The following STRN variants were observed in gnomAD, a reference collection of about 807,000 sequenced individuals.
STRN encodes the protein striatin, also known as protein phosphatase 2 regulatory subunit B'''alpha.
In STRN, 53 loss-of-function variants were observed where a neutral mutation model predicts 96.3. That is an observed-to-expected ratio of 0.55 (90% CI 0.44 to 0.69). The LOEUF is 0.69. STRN is among the 30% of genes least tolerant of loss of function. The pLI, the probability that STRN is intolerant of heterozygous loss-of-function variation, is 0.00. For synonymous variants in STRN, 428 were observed against 355.9 expected, an observed-to-expected ratio of 1.20 and a Z score of -2.28; for missense variants, 987 against 963.9, an observed-to-expected ratio of 1.02 and a Z score of -0.32.
chr2:36,874,065 C>G (rs539214602), intron 10 of STRN, among the ~76,000 whole-genome samples: 1 of 150,786 alleles, frequency 6.6e-6, no homozygotes, highest in Non-Finnish European at 1.5e-5. Flanking sequence ...ACCATCCTGG[C>G]TAACACGGTG....
In STRN at chr2:36,855,199, T is replaced by C. The variant is rs373682404; in HGVS notation, c.1978+13A>G. On this transcript the variant is annotated intron_variant, in intron 15 of 17. Transcript: ENST00000263918. Reference sequence around the variant, plus strand: ...AAAAATAAACACAGACAATTTAAAATTGGTATGCATACTTGTATCTACATT... The same window carrying C: ...AAAAATAAACACAGACAATTTAAAACTGGTATGCATACTTGTATCTACATT... The C allele has an allele frequency of 1.6e-5, 26 of 1,607,978 alleles. No individual in the cohort carries two copies. The highest frequency in any genetic ancestry group is 2.0e-5 in the Non-Finnish European group (23 of 1,177,548).
At chr2:36,933,345 T>C (rs1029437552) in intron 1 of STRN, among the ~76,000 whole-genome samples, 18 of 152,328 alleles carry the variant, frequency 1.2e-4, no homozygotes, top group Admixed American at 7.2e-4. Flanking sequence ...GTTTTTTGTA[T>C]TGGATGGGGG....
chr2:36,952,805 G>A (rs187640389), intron 1 of STRN, among the ~76,000 whole-genome samples: 4 of 152,308 alleles, frequency 2.6e-5, no homozygotes, highest in East Asian at 1.9e-4. Flanking sequence ...CAGCAAGTGC[G>A]CTGACCCAGA....
chr2:36,937,697 A>G lies in STRN; in HGVS notation c.235-12489T>C, dbSNP rs10203038. On this transcript the variant is annotated intron_variant, in intron 1 of 17. Transcript: ENST00000263918. The stretch of plus-strand genomic sequence containing the variant: ...TTAAAAAAGAAAGAAAAGAAAAAAA[A>G]AAAGAGAAGAAGGAAATAAGAAAGA... Among the ~76,000 whole-genome samples the G allele has an allele frequency of 9.4e-3, 1,423 of 152,140 alleles. 26 individuals carry two copies. The highest frequency in any genetic ancestry group is 0.033 in the African/African-American group (1,363 of 41,546).
chr2:36,840,101 T>G lies in STRN; in HGVS notation c.*9355A>C, dbSNP rs749724409. 1.4e-4 allele frequency: 21 copies of G among 152,272 alleles called. No homozygotes were observed. The highest frequency in any genetic ancestry group is 2.4e-4 in the Non-Finnish European group (16 of 68,068). 9.4% of individuals were successfully genotyped at this position (152,272 alleles called of 1,614,324 possible). On this transcript the variant is annotated 3_prime_UTR_variant, in exon 18 of 18. Transcript: ENST00000263918. ...CAGAGGGATGCCTTTCCTGACAAGA[T>G]TCCACTGGGAGGTTCGTCTTTCTCC... is the stretch of plus-strand genomic sequence containing the variant.
intron 1 of STRN, among the ~76,000 whole-genome samples, chr2:36,928,538 G>A (rs1670478040): frequency 6.6e-6 from 1 of 151,764 alleles, no homozygotes; most frequent in Admixed American, 6.6e-5. Context: ...TGTATTCCCA[G>A]CTACTTGGAA....
intron 6 of STRN, among the ~76,000 whole-genome samples, chr2:36,896,207 T>G (rs1669536435): frequency 1.3e-5 from 2 of 152,186 alleles, no homozygotes; most frequent in South Asian, 4.1e-4. Context: ...TTTTCAACAT[T>G]AAATATTAGG....
chr2:36,865,538 T>G (rs1002606803), intron 12 of STRN, among the ~76,000 whole-genome samples: 10 of 152,072 alleles, frequency 6.6e-5, no homozygotes, highest in Non-Finnish European at 1.3e-4. Flanking sequence ...TTTTCTCTTG[T>G]GTGTGATGTT....
chr2:36,957,744 C>CTTTTTTTTTTTTTTTTT (rs1159531782), intron 1 of STRN, among the ~76,000 whole-genome samples: 4 of 89,208 alleles, frequency 4.5e-5, no homozygotes, highest in Non-Finnish European at 6.2e-5. Context: ...TTCTTTTTGT[C>CTTTTTTTTTTTTTTTTT]TTTTTTTTTT....
At chr2:36,887,431 T>C (rs190236872) in intron 7 of STRN, among the ~76,000 whole-genome samples, 5,814 of 151,782 alleles carry the variant, frequency 0.038, 214 homozygotes, top group African/African-American at 0.1. Flanking sequence ...GATTGTGCCA[T>C]TGCACTCCCG....
chr2:36,839,298 T>A lies in STRN; in HGVS notation c.*10158A>T, dbSNP rs1667891729. On this transcript the variant is annotated 3_prime_UTR_variant, in exon 18 of 18. Coordinates refer to ENST00000263918, the MANE Select transcript of STRN (RefSeq NM_003162.4). ...CTATATTTTCACTTGTTCCCCCACC[T>A]GGAATGTGCTGCATCAGGTGAAGTT... 6.6e-6 allele frequency among the ~76,000 whole-genome samples: 1 copy of A among 152,156 alleles called. No individual in the cohort carries two copies. Among genetic ancestry groups the A allele is most frequent in the South Asian group, 2.1e-4 (1 of 4,824 alleles).
chr2:36,855,894 T>A (rs374693559), intron 14 of STRN, among the ~76,000 whole-genome samples: 6 of 152,220 alleles, frequency 3.9e-5, no homozygotes, highest in African/African-American at 1.4e-4. Context: ...CTAGAATACA[T>A]GAAAACTTAG....
chr2:36,946,162 C>T (rs571455512), intron 1 of STRN, among the ~76,000 whole-genome samples: 1 of 147,324 alleles, frequency 6.8e-6, no homozygotes, highest in Admixed American at 6.7e-5. Context: ...TAAATATTTC[C>T]AGTTGATTTT....
At chr2:36,898,894 A>G (rs1459607846) in intron 6 of STRN, among the ~76,000 whole-genome samples, 1 of 152,144 alleles carries the variant, frequency 6.6e-6, no homozygotes, top group Non-Finnish European at 1.5e-5. Flanking sequence ...GAGAGAAGGG[A>G]GAAGGGGAAG....
intron 1 of STRN, among the ~76,000 whole-genome samples, chr2:36,956,580 A>T (rs1404871395): frequency 2.6e-5 from 4 of 152,216 alleles, no homozygotes; most frequent in Non-Finnish European, 5.9e-5. Context: ...GACATCAAGG[A>T]GATAGCAGGT....
intron 1 of STRN, among the ~76,000 whole-genome samples, chr2:36,956,446 C>G (rs1664889492): frequency 6.6e-6 from 1 of 152,160 alleles, no homozygotes; most frequent in Non-Finnish European, 1.5e-5. Context: ...TGATGGTCAA[C>G]AGATTGTTTT....
chr2:36,958,079 C>T lies in STRN; in HGVS notation c.234+8151G>A, dbSNP rs563720837. On this transcript the variant is annotated intron_variant, in intron 1 of 17. Transcript: ENST00000263918. ...GGATTACAAGCATGTGCCAACACACCTGGCTAATTTTTATATTTTTAGTAG... is the reference window on the plus strand; with the variant it reads ...GGATTACAAGCATGTGCCAACACACTTGGCTAATTTTTATATTTTTAGTAG... Among the ~76,000 whole-genome samples, 47 of 152,036 alleles carry T rather than the reference C, an allele frequency of 3.1e-4. No homozygotes were observed. In the South Asian group the frequency reaches 5.0e-3, roughly 16 times the overall value.
chr2:36,965,050 C>A (rs1037098068), intron 1 of STRN, among the ~76,000 whole-genome samples: 2 of 152,208 alleles, frequency 1.3e-5, no homozygotes, highest in Non-Finnish European at 2.9e-5. Flanking sequence ...CTTTCCACAG[C>A]CACTTCCACT....
chr2:36,955,577 C>A (rs1321906902), intron 1 of STRN, among the ~76,000 whole-genome samples: 1 of 152,192 alleles, frequency 6.6e-6, no homozygotes, highest in Non-Finnish European at 1.5e-5. Context: ...TCTTCTGTCT[C>A]TTCTCCCCTT....
Sources: allele counts gnomAD v4.1 joint callset (sites outside exome capture counted in the v4.1 genomes callset), GRCh38; gene constraint gnomAD v4.1.1; transcripts MANE v1.5; gene names NCBI Gene and HGNC (gene_info 2026-07-23, HGNC 2026-07-21).